CSNK1A1: variants seen among roughly 807,000 people sequenced by gnomAD.
CSNK1A1 encodes the protein casein kinase I isoform alpha.
Under a neutral mutation model 46.1 loss-of-function variants are expected in CSNK1A1, and 7 were observed. The observed-to-expected ratio is 0.15, with a 90% CI of 0.09 to 0.29. CSNK1A1 has a LOEUF of 0.29. Ranked by LOEUF, CSNK1A1 falls within the 10% of genes least tolerant of loss-of-function variation. CSNK1A1 has a pLI of 1.00. For synonymous variants in CSNK1A1, 137 were observed against 141.5 expected (o/e 0.97, Z 0.23); for missense variants, 96 against 417.1 (o/e 0.23, Z 6.71).
chr5:149,512,883 A>T (rs949084045), intron 5 of CSNK1A1, among the ~76,000 whole-genome samples, 187 bp downstream of exon 5: 2 of 152,214 alleles, frequency 1.3e-5, no homozygotes, highest in Non-Finnish European at 2.9e-5. Context: ...ACAACAAAAA[A>T]TCCAGAAGAC....
intron 9 of CSNK1A1, chr5:149,500,985 C>T (rs887740246): frequency 7.0e-5 from 69 of 985,258 alleles, no homozygotes; most frequent in Non-Finnish European, 8.3e-5. Flanking sequence ...TTCTGCTACA[C>T]ATTTCTGACG....
chr5:149,499,121 G>C lies in CSNK1A1; in HGVS notation c.1007-2261C>G, dbSNP rs932285866. On this transcript the variant is annotated intron_variant, in intron 9 of 9. Coordinates refer to ENST00000377843, the MANE Select transcript of CSNK1A1 (RefSeq NM_001892.6). The stretch of plus-strand genomic sequence containing the variant: ...GTATGTTTAGGAAAAAACCTCAATA[G>C]GAATATTCAACAGGTATTCAACAGT... 3.0e-6 allele frequency: 3 copies of C among 985,172 alleles called. No homozygotes were observed. In the African/African-American group the frequency reaches 5.2e-5, roughly 17 times the overall value. 61.0% of individuals were successfully genotyped at this position (985,172 alleles called of 1,614,324 possible).
intron 4 of CSNK1A1, among the ~76,000 whole-genome samples, chr5:149,515,374 G>A (rs1761367655): frequency 6.6e-6 from 1 of 152,196 alleles, no homozygotes; most frequent in South Asian, 2.1e-4. Context: ...CCAAAAGACT[G>A]CTTTATAAAA....
chr5:149,520,839 T>C (rs1310281964), intron 3 of CSNK1A1, among the ~76,000 whole-genome samples: 2 of 152,226 alleles, frequency 1.3e-5, no homozygotes, highest in East Asian at 1.9e-4. Context: ...GATACACATA[T>C]ACTTGGGAGT....
At chr5:149,508,069 T>G (rs1327270437) in intron 7 of CSNK1A1, among the ~76,000 whole-genome samples, 1 of 152,164 alleles carries the variant, frequency 6.6e-6, no homozygotes, top group Non-Finnish European at 1.5e-5. Context: ...CTAGAGTAAA[T>G]GCCAATGTGG....
chr5:149,524,948 A>T, intron 3 of CSNK1A1, 97 bp downstream of exon 3: 1 of 1,121,760 alleles, frequency 8.9e-7, no homozygotes, highest in Non-Finnish European at 1.2e-6. Context: ...AAGGTTAAAT[A>T]GTGATGCACA....
At chr5:149,520,160 A>G in intron 4 of CSNK1A1, 130 bp downstream of exon 4, 1 of 584,282 alleles carries the variant, frequency 1.7e-6, no homozygotes, top group Non-Finnish European at 3.0e-6. Flanking sequence ...CTCATAGCAC[A>G]ATCTTTTAAA....
intron 2 of CSNK1A1, among the ~76,000 whole-genome samples, chr5:149,534,102 A>T (rs1267501896): frequency 6.6e-6 from 1 of 152,224 alleles, no homozygotes; most frequent in African/African-American, 2.4e-5. Flanking sequence ...AATAAAGCTG[A>T]TGAAGAACTG....
chr5:149,523,144 G>C (rs1365697529), intron 3 of CSNK1A1, among the ~76,000 whole-genome samples: 1 of 151,346 alleles, frequency 6.6e-6, no homozygotes, highest in African/African-American at 2.4e-5. Context: ...GGGTTCATGT[G>C]ATTCTCATGC....
chr5:149,534,418 G>T (rs886563550), intron 2 of CSNK1A1, among the ~76,000 whole-genome samples: 2 of 150,408 alleles, frequency 1.3e-5, no homozygotes, highest in Admixed American at 1.3e-4. Context: ...CGGGAGGCGG[G>T]GGTTGCAGTG....
intron 3 of CSNK1A1, among the ~76,000 whole-genome samples, chr5:149,523,415 T>C (rs1436892353): frequency 6.6e-6 from 1 of 152,216 alleles, no homozygotes; most frequent in Non-Finnish European, 1.5e-5. Context: ...GTGGCATTAT[T>C]ATAGCTCACT....
At position 149,495,571 on chromosome 5, in the gene CSNK1A1, G is replaced by A. The variant is rs1760629059; in HGVS notation, c.*1282C>T. On this transcript the variant is annotated 3_prime_UTR_variant, in exon 10 of 10. Transcript: ENST00000377843. ...ACACAGTGTGATGCTCTCCAAGGGT[G>A]AAAGTCAACTGCTTATAGCCATTTC... The A allele has an allele frequency of 6.6e-6, 1 of 152,108 alleles. No homozygotes were observed. Among genetic ancestry groups the A allele is most frequent in the African/African-American group, 2.4e-5 (1 of 41,406 alleles). The allele number at this position is 152,108 out of a possible 1,614,324, so 9.4% of individuals were successfully genotyped here.
rs188051143 is a variant in CSNK1A1 at position 149,501,216 on chromosome 5, G to A, written c.1006+4231C>T. 7.7e-3 allele frequency: 7,567 copies of A among 985,246 alleles called. 32 individuals are homozygous for A. Among genetic ancestry groups the A allele is most frequent in the Admixed American group, 9.8e-3 (160 of 16,264 alleles). The allele number at this position is 985,246 out of a possible 1,614,324, so 61.0% of individuals were successfully genotyped here. ...CAAACCAACTCTTGCACTTTCATCC[G>A]CATTTCCTGTTGGGTTATTTAGATC... On this transcript the variant is annotated intron_variant, in intron 9 of 9. Coordinates refer to ENST00000377843, the MANE Select transcript of CSNK1A1 (RefSeq NM_001892.6).
intron 9 of CSNK1A1, chr5:149,501,273 A>C: frequency 1.0e-6 from 1 of 985,404 alleles, no homozygotes; most frequent in Non-Finnish European, 1.2e-6. Context: ...GTAAAAAAAA[A>C]AGCTGACAAA....
intron 2 of CSNK1A1, among the ~76,000 whole-genome samples, chr5:149,536,975 C>A (rs550933044): frequency 3.0e-4 from 45 of 152,230 alleles, no homozygotes; most frequent in Middle Eastern, 3.4e-3. Flanking sequence ...TAATATAACC[C>A]TATTTATTTA....
intron 2 of CSNK1A1, among the ~76,000 whole-genome samples, chr5:149,535,273 C>T (rs1762028449): frequency 6.6e-6 from 1 of 152,178 alleles, no homozygotes; most frequent in East Asian, 1.9e-4. Context: ...TTACTTTCTC[C>T]ACTATCACTT....
chr5:149,493,356 AACC>A lies in CSNK1A1; in HGVS notation c.*3494_*3496del, dbSNP rs1760572497. The stretch of plus-strand genomic sequence containing the variant: ...CAGGCGTGTGCCACTGCTCCTAGCC[AACC>A]ACTTTTTTTTTTTTTTTTTTTTTTA... On this transcript the variant is annotated 3_prime_UTR_variant, in exon 10 of 10. Transcript: ENST00000377843. 1 of 133,680 alleles carries A rather than the reference AACC, an allele frequency of 7.5e-6. No homozygotes were observed. Among genetic ancestry groups the A allele is most frequent in the African/African-American group, 2.9e-5 (1 of 34,108 alleles). The allele number at this position is 133,680 out of a possible 1,614,324, so 8.3% of individuals were successfully genotyped here.
intron 9 of CSNK1A1, chr5:149,502,707 G>A (rs1205336755): frequency 1.0e-6 from 1 of 984,218 alleles, no homozygotes; most frequent in African/African-American, 1.8e-5. Context: ...CCAGTAGGAT[G>A]TTTTCATCAT....
At chr5:149,545,552 T>G in intron 2 of CSNK1A1, 1 of 683,184 alleles carries the variant, frequency 1.5e-6, no homozygotes, top group South Asian at 1.5e-5. Flanking sequence ...GGGTGGACAA[T>G]GTAGGCAAGT....
Sources: allele counts gnomAD v4.1 joint callset (sites outside exome capture counted in the v4.1 genomes callset), GRCh38; gene constraint gnomAD v4.1.1; transcripts MANE v1.5; gene names NCBI Gene and HGNC (gene_info 2026-07-23, HGNC 2026-07-21).